The following BRINP2 variants were observed in gnomAD, a reference collection of about 807,000 sequenced individuals.
BRINP2 encodes BMP/retinoic acid-inducible neural-specific protein 2.
A neutral mutation model predicts 69.2 loss-of-function variants in BRINP2; 21 were observed. That is an observed-to-expected ratio of 0.30 (90% CI 0.22 to 0.44). The LOEUF (loss-of-function observed/expected upper bound fraction) is 0.44. BRINP2 is among the 20% of genes least tolerant of loss of function. BRINP2 has a pLI of 1.00. For synonymous variants in BRINP2, 380 were observed against 394.1 expected, an observed-to-expected ratio of 0.96 and a Z score of 0.42; for missense variants, 877 against 986.0, an observed-to-expected ratio of 0.89 and a Z score of 1.48.
intron 1 of BRINP2, among the ~76,000 whole-genome samples, chr1:177,196,323 G>T (rs766893589): frequency 6.6e-6 from 1 of 152,144 alleles, no homozygotes; most frequent in Non-Finnish European, 1.5e-5. Context: ...TATCCATGTG[G>T]CTTAAAAGGT....
At position 177,280,957 on chromosome 1, in the gene BRINP2, G is replaced by C. The variant is rs191738799; in HGVS notation, c.1781G>C (p.Gly594Ala). 2.5e-4 allele frequency: 396 copies of C among 1,614,162 alleles called. No individual in the cohort carries two copies. In the African/African-American group the frequency reaches 4.1e-3, roughly 17 times the overall value. The change falls in exon 8 of 8, where the codon GGG (glycine) becomes GCG (alanine). Residue 594 changes from glycine (G) to alanine (A), a missense_variant. This residue lies in a region of BRINP2 where 86 missense variants were observed against 142.1 expected (regional missense o/e 0.61). Transcript: ENST00000361539. ...ATGGCCATCTACGTCAACCCCTTTG[G>C]GGGCAGCCACTCTGAGAGCTGGTTC... The part of the protein sequence containing the change: ...PVMAIYVNPF[G>A]GSHSESWFMP...
Position 177,280,710 on chromosome 1 carries a change from C to T in BRINP2, c.1534C>T (p.Leu512=). The change falls in exon 8 of 8, where the codon CTG becomes TTG. Residue 512 remains leucine (L), a synonymous_variant. Transcript: ENST00000361539. The part of the protein sequence containing the change: ...FLGLETDLQD[L]ELKYLLQKQD... ...TGGGCTGGAGACAGACTTGCAGGAC[C>T]TGGAGCTAAAGTACCTGCTGCAGAA... The T allele has an allele frequency of 1.9e-6, 3 of 1,614,220 alleles. No individual in the cohort carries two copies. The highest frequency in any genetic ancestry group is 2.5e-6 in the Non-Finnish European group (3 of 1,180,036).
At chr1:177,228,740 C>A (rs1649775399) in intron 1 of BRINP2, among the ~76,000 whole-genome samples, 1 of 152,158 alleles carries the variant, frequency 6.6e-6, no homozygotes, top group Non-Finnish European at 1.5e-5. Flanking sequence ...ATCACAATTC[C>A]AAGAAGCCCC....
At chr1:177,276,753 C>T (rs1370714078) in intron 6 of BRINP2, among the ~76,000 whole-genome samples, 1 of 152,198 alleles carries the variant, frequency 6.6e-6, no homozygotes, top group Non-Finnish European at 1.5e-5. Flanking sequence ...GCAATGCTTG[C>T]ACATAAGGTT....
chr1:177,189,788 A>G (rs1034234856), intron 1 of BRINP2, among the ~76,000 whole-genome samples: 1 of 152,240 alleles, frequency 6.6e-6, no homozygotes, highest in East Asian at 1.9e-4. Flanking sequence ...CTGTCACTAA[A>G]GCAGGTTGTC....
Position 177,280,960 on chromosome 1 carries a change from G to A in BRINP2, c.1784G>A (p.Gly595Asp). 6.2e-7 allele frequency: 1 copy of A among 1,611,712 alleles called. No individual in the cohort carries two copies. The highest frequency in any genetic ancestry group is 8.5e-7 in the Non-Finnish European group (1 of 1,179,348). ...VMAIYVNPFG[G>D]SHSESWFMPV... ...GCCATCTACGTCAACCCCTTTGGGG[G>A]CAGCCACTCTGAGAGCTGGTTCATG... The change falls in exon 8 of 8, where the codon GGC (glycine) becomes GAC (aspartate). Residue 595 changes from glycine to aspartate, a missense_variant. By Grantham distance (94) the Gly-to-Asp change is moderately conservative. Coordinates refer to ENST00000361539, the MANE Select transcript of BRINP2 (RefSeq NM_021165.4).
intron 1 of BRINP2, among the ~76,000 whole-genome samples, chr1:177,196,674 A>G (rs1648757836): frequency 6.6e-6 from 1 of 151,744 alleles, no homozygotes; most frequent in Non-Finnish European, 1.5e-5. Flanking sequence ...CCTCAGACCT[A>G]TTGACTCAGA....
intron 1 of BRINP2, among the ~76,000 whole-genome samples, chr1:177,211,833 C>G (rs918813133): frequency 1.3e-5 from 2 of 152,166 alleles, no homozygotes; most frequent in East Asian, 3.9e-4. Flanking sequence ...TGTGAAATAT[C>G]TCATTCTACA....
intron 2 of BRINP2, among the ~76,000 whole-genome samples, chr1:177,246,307 C>T (rs1650378713): frequency 1.3e-5 from 2 of 152,188 alleles, no homozygotes; most frequent in African/African-American, 4.8e-5. Flanking sequence ...GGCAGAAAAT[C>T]ATTGGTAGTG....
chr1:177,234,397 G>A (rs1649953360), intron 2 of BRINP2, among the ~76,000 whole-genome samples: 1 of 152,136 alleles, frequency 6.6e-6, no homozygotes, highest in South Asian at 2.1e-4. Context: ...ACCTACTCAG[G>A]CACCTAAATT....
intron 5 of BRINP2, 142 bp from the exon 6 acceptor site, chr1:177,276,056 G>T: frequency 1.3e-6 from 1 of 750,966 alleles, no homozygotes; most frequent in Non-Finnish European, 2.3e-6. Context: ...AGCTCAGCAG[G>T]ATTAGGCCCT....
intron 1 of BRINP2, among the ~76,000 whole-genome samples, chr1:177,172,643 A>C (rs1647971889): frequency 6.6e-6 from 1 of 152,170 alleles, no homozygotes; most frequent in Admixed American, 6.5e-5. Context: ...TGCATGGTAC[A>C]TATTTATCCA....
intron 4 of BRINP2, among the ~76,000 whole-genome samples, chr1:177,259,863 C>G (rs899673603): frequency 6.6e-6 from 1 of 152,176 alleles, no homozygotes; most frequent in African/African-American, 2.4e-5. Context: ...CTTGCTCACC[C>G]AAGAGCTCTG....
At chr1:177,236,689 G>T (rs535328408) in intron 2 of BRINP2, among the ~76,000 whole-genome samples, 13 of 152,296 alleles carry the variant, frequency 8.5e-5, no homozygotes, top group African/African-American at 3.1e-4. Context: ...GATGACTGGA[G>T]ACTCCAGGTG....
intron 1 of BRINP2, among the ~76,000 whole-genome samples, chr1:177,226,509 A>G (rs1172863026): frequency 6.6e-5 from 10 of 152,180 alleles, no homozygotes; most frequent in Non-Finnish European, 1.2e-4. Context: ...GCAGAATGGG[A>G]GAGCCTACAG....
chr1:177,203,965 G>A (rs1171252232), intron 1 of BRINP2, among the ~76,000 whole-genome samples: 1 of 152,176 alleles, frequency 6.6e-6, no homozygotes, highest in East Asian at 1.9e-4. Context: ...AGAATTGTGG[G>A]CTAAGAGATA....
intron 1 of BRINP2, among the ~76,000 whole-genome samples, chr1:177,216,889 G>T (rs1457934125): frequency 6.7e-6 from 1 of 148,688 alleles, no homozygotes; most frequent in Admixed American, 6.8e-5. Flanking sequence ...GGACTCCTTT[G>T]TATGTGATGT....
At chr1:177,273,740 A>G (rs1651409025) in intron 5 of BRINP2, 147 bp downstream of exon 5, 1 of 550,390 alleles carries the variant, frequency 1.8e-6, no homozygotes, top group Non-Finnish European at 3.2e-6. Flanking sequence ...TGGAACCTGT[A>G]TTTAACAACT....
At chr1:177,242,880 AGACT>A (rs1650250811) in intron 2 of BRINP2, among the ~76,000 whole-genome samples, 1 of 152,220 alleles carries the variant, frequency 6.6e-6, no homozygotes, top group African/African-American at 2.4e-5. Flanking sequence ...CTCTAGAATC[AGACT>A]GACTGGGTTA....
Sources: allele counts gnomAD v4.1 joint callset (sites outside exome capture counted in the v4.1 genomes callset), GRCh38; gene constraint gnomAD v4.1.1; regional missense constraint gnomAD v4.1.1; transcripts MANE v1.5; gene names NCBI Gene and HGNC (gene_info 2026-07-23, HGNC 2026-07-21).